Variants in SLC7A3 observed in about 807,000 individuals in gnomAD.
SLC7A3 encodes the protein solute carrier family 7 member 3, also known as cationic amino acid transporter 3.
In SLC7A3, 3 loss-of-function variants were observed where a neutral mutation model predicts 33.2. The observed-to-expected ratio is 0.09, with a 90% confidence interval of 0.04 to 0.23. The LOEUF is 0.23. Among genes scored for constraint, SLC7A3 ranks in the 10% least tolerant of loss-of-function variants. The pLI is 1.00. For missense variants in SLC7A3, 360 were observed against 488.8 expected (o/e 0.74, Z 2.48); for synonymous variants, 193 against 195.1 (o/e 0.99, Z 0.09).
At position 70,926,598 on chromosome X, in the gene SLC7A3, G is replaced by A; in HGVS notation, c.1549C>T (p.Leu517=). The change falls in exon 10 of 12, where the codon CTG becomes TTG. Residue 517 remains leucine (L), a synonymous_variant. Transcript: ENST00000374299. ...LLWTAVVVLL[L]LLIIGIIVVI... is the part of the protein sequence containing the mutation. ...ACAATGATCCCAATAATGAGCAGCA[G>A]GAGCAGCACAACCACTGCAGTCCAC... 1 of 1,198,089 alleles carries A rather than the reference G, an allele frequency of 8.3e-7. No individual in the cohort carries two copies. Among genetic ancestry groups the A allele is most frequent in the Non-Finnish European group, 1.1e-6 (1 of 888,641 alleles).
intron 3 of SLC7A3, 102 bp downstream of exon 3, chrX:70,928,742 C>A (rs1025120239): frequency 7.9e-6 from 9 of 1,132,272 alleles, no homozygotes; most frequent in South Asian, 2.1e-5. Flanking sequence ...TTATCACCTC[C>A]CTTAAGCCTT....
chrX:70,928,839 C>G lies in SLC7A3; in HGVS notation c.529+5G>C. On this transcript the variant is annotated splice_donor_5th_base_variant and intron_variant, in intron 3 of 11. Transcript: ENST00000374299. ...CCCACCATTATACCCTGCTCTTTGC[C>G]TCACCAGTGAGCAGCAACACGAGGC... The G allele has an allele frequency of 1.7e-6, 2 of 1,210,944 alleles. No homozygotes were observed. The highest frequency in any genetic ancestry group is 2.2e-6 in the Non-Finnish European group (2 of 895,221).
chrX:70,926,786 C>G, intron 9 of SLC7A3, 89 bp downstream of exon 9: 1 of 1,161,685 alleles, frequency 8.6e-7, no homozygotes, highest in African/African-American at 1.8e-5. Context: ...GTCGCTCTCT[C>G]TCTAGTTCTT....
chrX:70,928,087 A>G (rs2091901303), intron 5 of SLC7A3, 58 bp downstream of exon 5: 2 of 1,189,137 alleles, frequency 1.7e-6, no homozygotes, highest in Admixed American at 4.4e-5. Flanking sequence ...CCCAGTCTGC[A>G]TACAGCCTGG....
intron 6 of SLC7A3, 77 bp from the exon 7 acceptor site, chrX:70,927,700 C>T (rs931419645): frequency 1.4e-5 from 16 of 1,160,606 alleles, no homozygotes; most frequent in African/African-American, 1.8e-5. Flanking sequence ...AAAGAGTCTC[C>T]ACTTTCCCCT....
Position 70,926,197 on chromosome X carries a change from C to T in SLC7A3, c.1621-19G>A. ...CAGGCACCTGAAAACAAAGTAAAAT[C>T]TTCTTTGTACATACCACAGGTTGAC... On this transcript the variant is annotated intron_variant, in intron 10 of 11. Transcript: ENST00000374299. 8.6e-7 allele frequency: 1 copy of T among 1,156,443 alleles called. No homozygotes were observed. The highest frequency in any genetic ancestry group is 1.2e-6 in the Non-Finnish European group (1 of 849,836).
chrX:70,928,691 C>G, intron 3 of SLC7A3, 58 bp from the exon 4 acceptor site: 2 of 1,136,967 alleles, frequency 1.8e-6, no homozygotes, highest in Non-Finnish European at 2.3e-6. Flanking sequence ...CTTTGTTTCC[C>G]TGCCTCTAGG....
At chrX:70,926,824 G>T (rs772076861) in intron 9 of SLC7A3, 51 bp downstream of exon 9, 2 of 1,186,131 alleles carry the variant, frequency 1.7e-6, no homozygotes, top group South Asian at 1.9e-5. Flanking sequence ...CACACACTTC[G>T]ACCCAATCAC....
At chrX:70,929,121 C>T (rs1250241072) in intron 2 of SLC7A3, 119 bp from the exon 3 acceptor site, 6 of 734,224 alleles carry the variant, frequency 8.2e-6, no homozygotes, top group South Asian at 2.7e-5. Flanking sequence ...GACCAAGTCT[C>T]ACTCTGTCAC....
intron 9 of SLC7A3, 72 bp downstream of exon 9, chrX:70,926,803 C>G (rs1289239168): frequency 4.3e-6 from 5 of 1,165,936 alleles, no homozygotes; most frequent in Non-Finnish European, 5.8e-6. Flanking sequence ...TCTTCCTCAG[C>G]CACCAAATGC....
Position 70,926,611 on chromosome X carries a change from C to A in SLC7A3, c.1536G>T (p.Val512=), listed in dbSNP as rs762900338. The change falls in exon 10 of 12, where the codon GTG becomes GTT. Residue 512 remains valine, a synonymous_variant. Coordinates refer to ENST00000374299, the MANE Select transcript of SLC7A3 (RefSeq NM_032803.6). ...TAATGAGCAGCAGGAGCAGCACAAC[C>A]ACTGCAGTCCACAGCAGGTCTCCAG... is the stretch of plus-strand genomic sequence containing the variant. ...LLSGDLLWTA[V]VVLLLLLIIG... The A allele has an allele frequency of 4.2e-5, 50 of 1,195,312 alleles. No homozygotes were observed. Among genetic ancestry groups the A allele is most frequent in the Non-Finnish European group, 5.5e-5 (49 of 887,129 alleles).
At position 70,928,911 on chromosome X, in the gene SLC7A3, C is replaced by A; in HGVS notation, c.462G>T (p.Leu154=). The change falls in exon 3 of 12, where the codon CTG becomes CTT. Residue 154 remains leucine, a synonymous_variant. Transcript: ENST00000374299. ...ISKTLQGSIA[L]HVPHVLAEYP... ...ATTCTGCAAGGACATGGGGCACGTG[C>A]AGTGCAATGGACCCCTGCAGAGTCT... 8.3e-7 allele frequency: 1 copy of A among 1,211,254 alleles called. No homozygotes were observed. Among genetic ancestry groups the A allele is most frequent in the Non-Finnish European group, 1.1e-6 (1 of 895,149 alleles).
At position 70,925,885 on chromosome X, in the gene SLC7A3, G is replaced by C. The variant is rs368524198; in HGVS notation, c.1788C>G (p.Asn596Lys). ...TGGCTCTAGACTTGCGTGAGGGTTG[G>C]TTACTCTTAATCTCTTCCAGGCTGT... is the stretch of plus-strand genomic sequence containing the variant. Reference protein sequence around the residue: ...IQHSLEEIKSNQPSRKSRAKT... With the variant: ...IQHSLEEIKSKQPSRKSRAKT... The change falls in exon 12 of 12, where the codon AAC (asparagine) becomes AAG (lysine). Residue 596 changes from asparagine to lysine, a missense_variant. Physicochemically the swap from Asn to Lys is moderately conservative, Grantham distance 94. Transcript: ENST00000374299. 5.0e-6 allele frequency: 6 copies of C among 1,209,539 alleles called. No individual in the cohort carries two copies. In the African/African-American group the frequency reaches 1.1e-4, roughly 21 times the overall value.
chrX:70,928,740 T>A (rs5936604), intron 3 of SLC7A3, 104 bp downstream of exon 3: 2 of 1,119,459 alleles, frequency 1.8e-6, no homozygotes, highest in African/African-American at 1.8e-5. Context: ...CATTATCACC[T>A]CCCTTAAGCC....
intron 3 of SLC7A3, 105 bp from the exon 4 acceptor site, chrX:70,928,738 C>A: frequency 1.8e-6 from 2 of 1,116,570 alleles, no homozygotes; most frequent in Non-Finnish European, 2.4e-6. Context: ...ACCATTATCA[C>A]CTCCCTTAAG....
At position 70,926,885 on chromosome X, in the gene SLC7A3, G is replaced by A. The variant is rs1165802298; in HGVS notation, c.1443C>T (p.Ser481=). Residue 481 remains serine, a synonymous_variant, in exon 9 of 12, where the codon TCC becomes TCT. Transcript: ENST00000374299. ...AATTCCACTGCTCACCAAGCAATGA[G>A]GAACAAACATAGACAATTTGGCCAG... ...PLSGQIVYVC[S]SLLAVLLTAL... is the part of the protein sequence containing the mutation. The A allele has an allele frequency of 1.7e-6, 2 of 1,206,833 alleles. No homozygotes were observed. Among genetic ancestry groups the A allele is most frequent in the African/African-American group, 3.5e-5 (2 of 57,046 alleles).
chrX:70,926,784 C>T lies in SLC7A3; in HGVS notation c.1453+91G>A, dbSNP rs182088306. 2.7e-3 allele frequency: 3,117 copies of T among 1,153,859 alleles called. 7 individuals carry two copies. The highest frequency in any genetic ancestry group is 0.011 in the Middle Eastern group (38 of 3,366). On this transcript the variant is annotated intron_variant, in intron 9 of 11. Transcript: ENST00000374299. ...ACCCTGTTCCAAGGAGAGTCGCTCT[C>T]TCTCTAGTTCTTCCTCAGCCACCAA...
chrX:70,928,046 A>G (rs747560783), intron 5 of SLC7A3, 26 bp from the exon 6 acceptor site: 1 of 1,201,019 alleles, frequency 8.3e-7, no homozygotes, highest in Non-Finnish European at 1.1e-6. Flanking sequence ...AAGGTTCTAA[A>G]TTAGGGAAGC....
chrX:70,927,766 A>C, intron 6 of SLC7A3, 32 bp downstream of exon 6: 2 of 1,164,020 alleles, frequency 1.7e-6, no homozygotes, highest in Non-Finnish European at 2.3e-6. Flanking sequence ...TGAGACTCTG[A>C]CAGCAGAAGA....
Sources: gnomAD v4.1 joint callset for allele counts on GRCh38, gnomAD v4.1.1 for gene constraint, MANE v1.5 for transcripts, NCBI Gene and HGNC (gene_info 2026-07-23, HGNC 2026-07-21) for gene names.